The following PCDHGA10 variants were observed in gnomAD, a reference collection of about 807,000 sequenced individuals.
PCDHGA10 encodes protocadherin gamma subfamily A, 10.
A neutral mutation model predicts 59.5 loss-of-function variants in PCDHGA10; 42 were observed. The observed-to-expected ratio is 0.71, with a 90% CI of 0.55 to 0.91. The LOEUF (loss-of-function observed/expected upper bound fraction) is 0.91. PCDHGA10 is among the 40% of genes least tolerant of loss of function. The probability of loss-of-function intolerance (pLI) is 0.00; values close to 1 mark genes in which losing one functional copy is unlikely to be tolerated. For synonymous variants in PCDHGA10, 511 were observed against 517.2 expected (o/e 0.99, Z 0.16); for missense variants, 1,111 against 1,198.2 (o/e 0.93, Z 1.07).
chr5:141,435,922 G>A (rs1312886163), intron 1 of PCDHGA10, among the ~76,000 whole-genome samples: 1 of 152,070 alleles, frequency 6.6e-6, no homozygotes, highest in Non-Finnish European at 1.5e-5. Context: ...TCTAAAATGC[G>A]GCAGTTGCTG....
At chr5:141,445,558 G>A (rs1172697298) in intron 1 of PCDHGA10, among the ~76,000 whole-genome samples, 1 of 152,172 alleles carries the variant, frequency 6.6e-6, no homozygotes, top group Non-Finnish European at 1.5e-5. Flanking sequence ...AAAGCACTAA[G>A]AGAAAGCTTA....
chr5:141,479,572 T>G (rs956648090), intron 1 of PCDHGA10: 2 of 152,190 alleles, frequency 1.3e-5, no homozygotes, highest in African/African-American at 2.4e-5. Context: ...TGGGATGACA[T>G]CTGTGAATAG....
chr5:141,413,207 C>CA lies in PCDHGA10; in HGVS notation c.35dup (p.Asp13GlyfsTer29), dbSNP rs753988593. On this transcript the variant is annotated frameshift_variant, in exon 1 of 4. Transcript: ENST00000398610. LOFTEE classifies it high-confidence loss of function. The stretch of plus-strand genomic sequence containing the variant: ...GCTCAAAGGAATCGCTCAAAGGAAT[C>CA]AAAGGATTGCAGCGGGCTGGTCCTG... The CA allele has an allele frequency of 1.7e-5, 27 of 1,612,874 alleles. No homozygotes were observed. In the East Asian group the frequency reaches 6.0e-4, roughly 36 times the overall value.
chr5:141,457,937 G>A (rs916509260), intron 1 of PCDHGA10, among the ~76,000 whole-genome samples: 1 of 152,166 alleles, frequency 6.6e-6, no homozygotes, highest in African/African-American at 2.4e-5. Flanking sequence ...GGCTTTTATT[G>A]GCTCTGCATG....
At chr5:141,467,565 C>A (rs2154569547) in intron 1 of PCDHGA10, among the ~76,000 whole-genome samples, 1 of 152,302 alleles carries the variant, frequency 6.6e-6, no homozygotes, top group East Asian at 1.9e-4. Context: ...TCCCAAATGG[C>A]TATCCAGTTG....
In PCDHGA10 at chr5:141,486,657, T is replaced by G. The variant is rs1171065175; in HGVS notation, c.2437-8150T>G. On this transcript the variant is annotated intron_variant, in intron 1 of 3. Transcript: ENST00000398610. The surrounding 1 kb of genome is among the most constrained non-coding windows in gnomAD (Gnocchi z 5.0). ...AATGCGCTTATCTCCTACTCACTCC[T>G]GGAGCCCAGGAATCGAGATGTATCA... 3 of 1,614,010 alleles carry G rather than the reference T, an allele frequency of 1.9e-6. No homozygotes were observed. Among genetic ancestry groups the G allele is most frequent in the Non-Finnish European group, 2.5e-6 (3 of 1,180,030 alleles).
intron 1 of PCDHGA10, among the ~76,000 whole-genome samples, chr5:141,463,810 A>G (rs1469182885): frequency 6.6e-6 from 1 of 152,178 alleles, no homozygotes; most frequent in Non-Finnish European, 1.5e-5. Context: ...AAAAGCTTTT[A>G]TCACACATTT....
Position 141,485,992 on chromosome 5 carries a change from C to T in PCDHGA10, c.2437-8815C>T. The T allele has an allele frequency of 6.2e-7, 1 of 1,614,156 alleles. No individual in the cohort carries two copies. The highest frequency in any genetic ancestry group is 2.2e-5 in the East Asian group (1 of 44,870). On this transcript the variant is annotated intron_variant, in intron 1 of 3. Coordinates refer to ENST00000398610, the MANE Select transcript of PCDHGA10 (RefSeq NM_018913.3). The surrounding 1 kb of genome is among the most constrained non-coding windows in gnomAD (Gnocchi z 5.7). ...ATGCCTCAGACCCGGACCTGGGTCC[C>T]AGTGGTAACGTCACCTTTTATTTCA...
In PCDHGA10 at chr5:141,413,128, CA is replaced by C; in HGVS notation, c.-47del. 6.5e-7 allele frequency: 1 copy of C among 1,534,686 alleles called. No homozygotes were observed. The highest frequency in any genetic ancestry group is 8.8e-7 in the Non-Finnish European group (1 of 1,140,630). On this transcript the variant is annotated 5_prime_UTR_variant, in exon 1 of 4. Coordinates refer to ENST00000398610, the MANE Select transcript of PCDHGA10 (RefSeq NM_018913.3). ...AAAGACAAAGGAACCGGTTGAAACACACAACGTGTCCAGTGAGGACTTTGCA... is the reference window on the plus strand; with the variant it reads ...AAAGACAAAGGAACCGGTTGAAACACCAACGTGTCCAGTGAGGACTTTGCA...
In PCDHGA10 at chr5:141,432,513, G is replaced by T. The variant is rs755227021; in HGVS notation, c.2436+16902G>T. On this transcript the variant is annotated intron_variant, in intron 1 of 3. Coordinates refer to ENST00000398610, the MANE Select transcript of PCDHGA10 (RefSeq NM_018913.3). The surrounding 1 kb of genome is among the most constrained non-coding windows in gnomAD (Gnocchi z 6.0). ...CTGGCTCCCCGCTCCGCAGAGCCCG[G>T]CTACCTGGTGACCAAGGTGGTGGCG... The T allele has an allele frequency of 3.1e-6, 5 of 1,614,102 alleles. No individual in the cohort carries two copies. Among genetic ancestry groups the T allele is most frequent in the African/African-American group, 2.7e-5 (2 of 75,062 alleles).
At chr5:141,450,986 G>A (rs950903600) in intron 1 of PCDHGA10, among the ~76,000 whole-genome samples, 15 of 151,310 alleles carry the variant, frequency 9.9e-5, no homozygotes, top group Non-Finnish European at 1.3e-4. Context: ...CACCACACCC[G>A]GCTAATTTTT....
At chr5:141,443,498 C>G (rs1217918256) in intron 1 of PCDHGA10, among the ~76,000 whole-genome samples, 3 of 152,036 alleles carry the variant, frequency 2.0e-5, no homozygotes, top group Non-Finnish European at 4.4e-5. Context: ...AACAAACAAA[C>G]AAATAAAGAG....
chr5:141,429,896 A>G (rs1307950556), intron 1 of PCDHGA10, among the ~76,000 whole-genome samples: 1 of 152,346 alleles, frequency 6.6e-6, no homozygotes, highest in South Asian at 2.1e-4. Flanking sequence ...TGAACAATAA[A>G]TATTTTTGAA....
At chr5:141,497,719 T>C (rs1311566820) in intron 2 of PCDHGA10, among the ~76,000 whole-genome samples, 2 of 152,076 alleles carry the variant, frequency 1.3e-5, no homozygotes, top group Non-Finnish European at 2.9e-5. Context: ...TTTGTATTTT[T>C]AGTAGAGATG....
chr5:141,421,665 C>G (rs1227312221), intron 1 of PCDHGA10: 4 of 1,613,854 alleles, frequency 2.5e-6, no homozygotes, highest in Non-Finnish European at 2.5e-6. Flanking sequence ...TCAGTGAGCA[C>G]GCAATTCCTG....
chr5:141,495,434 G>A (rs1038100521), intron 2 of PCDHGA10, among the ~76,000 whole-genome samples: 2 of 152,196 alleles, frequency 1.3e-5, no homozygotes, highest in Non-Finnish European at 2.9e-5. Flanking sequence ...ACTGTCCTCT[G>A]CCCCTACTTG....
Position 141,418,262 on chromosome 5 carries a change from A to G in PCDHGA10, c.2436+2651A>G. On this transcript the variant is annotated intron_variant, in intron 1 of 3. Transcript: ENST00000398610. Reference sequence around the variant, plus strand: ...TAATGACCACGCCCCTCAATTCCGGAAAGATGAAATAAACTTAGAAATCAG... The same window carrying G: ...TAATGACCACGCCCCTCAATTCCGGGAAGATGAAATAAACTTAGAAATCAG... 2 of 1,614,068 alleles carry G rather than the reference A, an allele frequency of 1.2e-6. No homozygotes were observed. The highest frequency in any genetic ancestry group is 1.7e-6 in the Non-Finnish European group (2 of 1,179,902).
intron 2 of PCDHGA10, among the ~76,000 whole-genome samples, chr5:141,502,783 G>A (rs2099816035): frequency 6.6e-6 from 1 of 151,652 alleles, no homozygotes; most frequent in African/African-American, 2.4e-5. Context: ...AAAATTACCT[G>A]GATGATTTCT....
rs1399844519 is a variant in PCDHGA10 at position 141,477,484 on chromosome 5, A to G, written c.2437-17323A>G. 1.2e-6 allele frequency: 2 copies of G among 1,614,014 alleles called. No homozygotes were observed. The highest frequency in any genetic ancestry group is 1.7e-6 in the Non-Finnish European group (2 of 1,180,006). ...CCGACATCAATGACAACCCTCCACAATCTTCTCAATCTTCCTACGACGTTT... is the reference window on the plus strand; with the variant it reads ...CCGACATCAATGACAACCCTCCACAGTCTTCTCAATCTTCCTACGACGTTT... On this transcript the variant is annotated intron_variant, in intron 1 of 3. Coordinates refer to ENST00000398610, the MANE Select transcript of PCDHGA10 (RefSeq NM_018913.3). This position sits in a 1 kb window ranked among gnomAD's most constrained non-coding sequence, Gnocchi z 4.9.
Sources: allele counts gnomAD v4.1 joint callset (sites outside exome capture counted in the v4.1 genomes callset), GRCh38; gene constraint gnomAD v4.1.1; non-coding constraint Gnocchi (gnomAD v3.1); transcripts MANE v1.5; gene names NCBI Gene and HGNC (gene_info 2026-07-23, HGNC 2026-07-21).